Variants in LRBA observed in about 807,000 individuals in gnomAD.
The protein encoded by LRBA is lipopolysaccharide-responsive and beige-like anchor protein.
Under a neutral mutation model 330.0 loss-of-function variants are expected in LRBA, and 176 were observed. That is an observed-to-expected ratio of 0.53 (90% CI 0.47 to 0.60). The LOEUF (loss-of-function observed/expected upper bound fraction) is 0.60. Among genes scored for constraint, LRBA ranks in the 20% least tolerant of loss-of-function variants. The pLI is 0.00. For missense variants in LRBA, 3,259 were observed against 3,444.8 expected (o/e 0.95, Z 1.35); for synonymous variants, 1,230 against 1,193.0 (o/e 1.03, Z -0.64).
At chr4:150,343,334 C>T (rs532211966) in intron 48 of LRBA, among the ~76,000 whole-genome samples, 3 of 152,316 alleles carry the variant, frequency 2.0e-5, no homozygotes, top group Admixed American at 2.0e-4. Context: ...ACCTTACCCA[C>T]TTCTATTTTC....
At chr4:150,683,754 GA>G (rs768252598) in intron 36 of LRBA, 37 bp from the exon 37 acceptor site, 13 of 1,439,162 alleles carry the variant, frequency 9.0e-6, no homozygotes, top group South Asian at 6.8e-5. Context: ...TAAAAAATGT[GA>G]AAAAAACCTT....
chr4:150,618,487 G>A (rs970545066), intron 37 of LRBA, among the ~76,000 whole-genome samples: 2 of 152,110 alleles, frequency 1.3e-5, no homozygotes, highest in Non-Finnish European at 2.9e-5. Context: ...GAAAAATTAA[G>A]TTATTTGAGT....
intron 30 of LRBA, among the ~76,000 whole-genome samples, chr4:150,826,033 T>G (rs1027835712): frequency 6.6e-6 from 1 of 152,324 alleles, no homozygotes; most frequent in South Asian, 2.1e-4. Context: ...TATCTTTATC[T>G]TGCACTGAAA....
chr4:150,276,231 T>C (rs909388655), intron 56 of LRBA, among the ~76,000 whole-genome samples: 1 of 152,252 alleles, frequency 6.6e-6, no homozygotes, highest in Non-Finnish European at 1.5e-5. Context: ...GCTAGCCATA[T>C]GCAGAAAACT....
chr4:150,951,215 T>G lies in LRBA; in HGVS notation c.217-22150A>C, dbSNP rs7655153. 4.1e-3 allele frequency among the ~76,000 whole-genome samples: 622 copies of G among 152,292 alleles called. 6 individuals carry two copies. Among genetic ancestry groups the G allele is most frequent in the African/African-American group, 0.014 (595 of 41,562 alleles). ...AGCTACTTTGATGTAAGATTCTATC[T>G]CTTACAATGAGAAAATCCCGGATTA... On this transcript the variant is annotated intron_variant, in intron 2 of 56. Transcript: ENST00000651943.
chr4:150,931,181 T>C (rs1734454963), intron 2 of LRBA, among the ~76,000 whole-genome samples: 2 of 152,206 alleles, frequency 1.3e-5, no homozygotes, highest in East Asian at 1.9e-4. Flanking sequence ...AATTCCTTTA[T>C]ACTCTTCATC....
Position 150,844,688 on chromosome 4 carries a change from G to C in LRBA, c.4431C>G (p.Ser1477Arg). Residue 1477 changes from serine to arginine, a missense_variant, in exon 27 of 57, where the codon AGC becomes AGG. Physicochemically the swap from Ser to Arg is moderately radical, Grantham distance 110. Transcript: ENST00000651943. ...RGDKALKPMH[S>R]LIPLGKSAAK... ...CTGCAGATTTCCCTAAAGGAATAAG[G>C]CTATGCATTGGTTTCAAGGCTTTAT... 2 of 1,613,214 alleles carry C rather than the reference G, an allele frequency of 1.2e-6. No homozygotes were observed. Among genetic ancestry groups the C allele is most frequent in the Non-Finnish European group, 1.7e-6 (2 of 1,179,398 alleles).
At chr4:150,971,717 A>C (rs1739599403) in intron 2 of LRBA, among the ~76,000 whole-genome samples, 1 of 152,228 alleles carries the variant, frequency 6.6e-6, no homozygotes, top group African/African-American at 2.4e-5. Flanking sequence ...AGCTATAAAC[A>C]AATGAAACAT....
chr4:150,832,320 G>A (rs1474891395), intron 28 of LRBA, among the ~76,000 whole-genome samples: 2 of 152,168 alleles, frequency 1.3e-5, no homozygotes, highest in Admixed American at 6.5e-5. Context: ...AAACAGGTCA[G>A]ATGCAGTGGC....
chr4:150,418,019 G>GTTTTTTTT (rs201449584), intron 46 of LRBA, among the ~76,000 whole-genome samples: 15 of 132,328 alleles, frequency 1.1e-4, no homozygotes, highest in Non-Finnish European at 2.1e-4. Flanking sequence ...TTGGTTTTTT[G>GTTTTTTTT]TTTTTTTTTT....
intron 38 of LRBA, among the ~76,000 whole-genome samples, chr4:150,598,562 T>G (rs1773762461): frequency 6.6e-6 from 1 of 152,176 alleles, no homozygotes; most frequent in South Asian, 2.1e-4. Context: ...TGGACATTTA[T>G]TATTATCTTT....
Position 150,583,447 on chromosome 4 carries a change from G to A in LRBA, c.6330+4601C>T. On this transcript the variant is annotated intron_variant, in intron 40 of 56. Coordinates refer to ENST00000651943, the MANE Select transcript of LRBA (RefSeq NM_001364905.1). This position sits in a 1 kb window ranked among gnomAD's most constrained non-coding sequence, Gnocchi z 9.8. ...TTTCCAGACGCTGGTGGCCCAGGCG[G>A]TGGACAAGTGCAGCTATCGGGATGT... 1 of 1,613,880 alleles carries A rather than the reference G, an allele frequency of 6.2e-7. No individual in the cohort carries two copies. The highest frequency in any genetic ancestry group is 8.5e-7 in the Non-Finnish European group (1 of 1,180,040).
intron 40 of LRBA, among the ~76,000 whole-genome samples, chr4:150,559,650 A>T (rs1367436395): frequency 1.3e-4 from 6 of 45,866 alleles, no homozygotes; most frequent in Admixed American, 9.5e-4. Flanking sequence ...ATATAATATA[A>T]TATATAATTA....
intron 36 of LRBA, among the ~76,000 whole-genome samples, chr4:150,700,753 A>T (rs1284252003): frequency 7.1e-6 from 1 of 140,254 alleles, no homozygotes; most frequent in Admixed American, 7.5e-5. Flanking sequence ...TTATTCTATA[A>T]TTTCCTTTTT....
chr4:150,948,327 A>G (rs926085548), intron 2 of LRBA, among the ~76,000 whole-genome samples: 1 of 152,034 alleles, frequency 6.6e-6, no homozygotes, highest in Non-Finnish European at 1.5e-5. Context: ...CTAGACCCAC[A>G]CAAATATTCT....
intron 44 of LRBA, among the ~76,000 whole-genome samples, chr4:150,448,202 A>G (rs190588871): frequency 6.6e-6 from 1 of 152,336 alleles, no homozygotes; most frequent in East Asian, 1.9e-4. Context: ...ATTGTATCTA[A>G]GGGACATAAG....
intron 30 of LRBA, among the ~76,000 whole-genome samples, chr4:150,824,891 C>A (rs1745999450): frequency 6.6e-6 from 1 of 152,118 alleles, no homozygotes. Flanking sequence ...CCTCCCGCCT[C>A]AGCCTCCTGA....
chr4:150,733,274 C>T (rs1730725772), intron 36 of LRBA, among the ~76,000 whole-genome samples: 5 of 151,920 alleles, frequency 3.3e-5, no homozygotes, highest in Admixed American at 2.0e-4. Context: ...TATTAAGTAA[C>T]AGCATCCTGC....
rs768887899 is a variant in LRBA at position 150,444,392 on chromosome 4, T to C, written c.6781-7528A>G. Among the ~76,000 whole-genome samples, 3 of 152,130 alleles carry C rather than the reference T, an allele frequency of 2.0e-5. No individual in the cohort carries two copies. In the East Asian group the frequency reaches 5.8e-4, roughly 29 times the overall value. On this transcript the variant is annotated intron_variant, in intron 44 of 56. Transcript: ENST00000651943. ...GTGAAGAAAATAAATAAATAAATAGTGTCTGTCATTTCAGCAACATTGCCA... is the reference window on the plus strand; with the variant it reads ...GTGAAGAAAATAAATAAATAAATAGCGTCTGTCATTTCAGCAACATTGCCA...
Sources: gnomAD v4.1 joint callset for allele counts (sites outside exome capture counted in the v4.1 genomes callset) on GRCh38, gnomAD v4.1.1 for gene constraint, Gnocchi (gnomAD v3.1) non-coding constraint, MANE v1.5 for transcripts, NCBI Gene and HGNC (gene_info 2026-07-23, HGNC 2026-07-21) for gene names.